RACK1: variants seen among roughly 807,000 people sequenced by gnomAD.
RACK1 encodes the protein receptor for activated C kinase 1.
A neutral mutation model predicts 42.2 loss-of-function variants in RACK1; 3 were observed. The observed-to-expected ratio is 0.07, with a 90% confidence interval of 0.03 to 0.18. The LOEUF is 0.18. Among genes scored for constraint, RACK1 ranks in the 10% least tolerant of loss-of-function variants. RACK1 has a pLI of 1.00. For synonymous variants in RACK1, 181 were observed against 154.8 expected (o/e 1.17, Z -1.25); for missense variants, 146 against 403.2 (o/e 0.36, Z 5.46).
rs57063983 is a variant in RACK1 at position 181,241,426 on chromosome 5, C to CAAAAAAAAAAA, written c.429+55_429+65dup. On this transcript the variant is annotated intron_variant, in intron 3 of 7. Transcript: ENST00000512805. Reference sequence around the variant, plus strand: ...GCTTGGGCAAGAGTGAGACTGTCGCCAAAAAAAAAAAAAAAAAGCAAAGTT... The same window carrying CAAAAAAAAAAA: ...GCTTGGGCAAGAGTGAGACTGTCGCCAAAAAAAAAAAAAAAAAAAAAAAAAAAAGCAAAGTT... The CAAAAAAAAAAA allele has an allele frequency of 2.0e-3, 2,184 of 1,073,654 alleles. 77 individuals are homozygous for CAAAAAAAAAAA. The African/African-American group carries it at 0.04, about 20-fold the overall frequency. The allele number at this position is 1,073,654 out of a possible 1,614,324, so 66.5% of individuals were successfully genotyped here.
Position 181,239,079 on chromosome 5 carries a change from A to C in RACK1, c.624T>G (p.Ala208=). The change falls in exon 5 of 8, where the codon GCT becomes GCG. Residue 208 remains alanine, a synonymous_variant. Transcript: ENST00000512805. ...VTVSPDGSLC[A]SGGKDGQAML... is the part of the protein sequence containing the mutation. ...TGTCCCCAAATACCTTGCCTCCAGA[A>C]GCACAGAGGGATCCATCTGGAGAGA... 1 of 1,609,890 alleles carries C rather than the reference A, an allele frequency of 6.2e-7. No individual in the cohort carries two copies.
chr5:181,238,729 G>A, intron 5 of RACK1: 2 of 370,130 alleles, frequency 5.4e-6, no homozygotes, highest in South Asian at 2.1e-5. Flanking sequence ...TTGAACCCGG[G>A]AGATGGTTGC....
At chr5:181,241,426 C>CAAA (rs57063983) in intron 3 of RACK1, 66 bp downstream of exon 3, 1,011 of 1,072,708 alleles carry the variant, frequency 9.4e-4, no homozygotes, top group South Asian at 1.4e-3. Flanking sequence ...AGACTGTCGC[C>CAAA]AAAAAAAAAA....
At chr5:181,238,994 T>G (rs753872303) in intron 5 of RACK1, 73 bp downstream of exon 5, 14 of 948,266 alleles carry the variant, frequency 1.5e-5, no homozygotes, top group Non-Finnish European at 2.3e-5. Context: ...CATTTTACGT[T>G]AGAGACGCTG....
In RACK1 at chr5:181,239,511, G is replaced by A. The variant is rs774277440; in HGVS notation, c.501C>T (p.Ser167=). ...SPNSSNPIIV[S]CGWDKLVKVW... is the part of the protein sequence containing the mutation. Reference sequence around the variant, plus strand: ...CCTTGACCAGCTTGTCCCAGCCACAGGAGACGATGATAGGGTTGCTGCTGT... The same window carrying A: ...CCTTGACCAGCTTGTCCCAGCCACAAGAGACGATGATAGGGTTGCTGCTGT... The change falls in exon 4 of 8, where the codon TCC becomes TCT. Residue 167 remains serine, a synonymous_variant. Transcript: ENST00000512805. 4.1e-5 allele frequency: 66 copies of A among 1,613,770 alleles called. No homozygotes were observed. Among genetic ancestry groups the A allele is most frequent in the Non-Finnish European group, 5.4e-5 (64 of 1,179,804 alleles).
At chr5:181,239,353 A>G in intron 4 of RACK1, 134 bp downstream of exon 4, 1 of 782,658 alleles carries the variant, frequency 1.3e-6, no homozygotes, top group Non-Finnish European at 2.3e-6. Flanking sequence ...CTGACTTACA[A>G]GGGACATCAG....
intron 1 of RACK1, 35 bp from the exon 2 acceptor site, chr5:181,242,380 G>A: frequency 1.4e-6 from 2 of 1,476,078 alleles, no homozygotes; most frequent in Non-Finnish European, 9.4e-7. Context: ...AATCAGTGAG[G>A]AACCCGCAGC....
chr5:181,241,431 A>AAAAAAAAAAAAC (rs1759341994), intron 3 of RACK1, 61 bp downstream of exon 3: 1 of 1,378,190 alleles, frequency 7.3e-7, no homozygotes, highest in African/African-American at 1.5e-5. Flanking sequence ...GTCGCCAAAA[A>AAAAAAAAAAAAC]AAAAAAAAAA....
rs562641440 is a variant in RACK1, at chr5:181,237,885, T to C, written c.778-166A>G. On this transcript the variant is annotated intron_variant, in intron 6 of 7. Transcript: ENST00000512805. ...TGCCACTAGTGGAAGGATGGTTTGC[T>C]ACTGACATCTAGTAGAAGCTGGAAA... The C allele has an allele frequency of 2.0e-5, 13 of 659,278 alleles. No individual in the cohort carries two copies. In the South Asian group the frequency reaches 2.3e-4, roughly 12 times the overall value. 40.8% of individuals were successfully genotyped at this position (659,278 alleles called of 1,614,324 possible). A position where few individuals can be genotyped will look rare whatever the true frequency, so the allele number is the denominator to read the frequency against.
Position 181,236,948 on chromosome 5 carries a change from T to TTTTA in RACK1, c.*25_*28dup. The TTTTA allele has an allele frequency of 4.5e-6, 7 of 1,567,308 alleles. No homozygotes were observed. Among genetic ancestry groups the TTTTA allele is most frequent in the Non-Finnish European group, 5.2e-6 (6 of 1,162,844 alleles). On this transcript the variant is annotated 3_prime_UTR_variant, in exon 8 of 8. Transcript: ENST00000512805. ...TAAAAGTCAGAAAAGCCAGTTTTTT[T>TTTTA]TTTATTTGTAAAGCTCTGCCATAAA...
intron 7 of RACK1, chr5:181,237,275 C>A: frequency 1.3e-6 from 1 of 797,100 alleles, no homozygotes; most frequent in South Asian, 1.5e-5. Flanking sequence ...TGTAAGAAAC[C>A]GCTCTCATTT....
Position 181,238,360 on chromosome 5 carries a change from A to T in RACK1, c.637-121T>A, listed in dbSNP as rs1458775230. The T allele has an allele frequency of 3.0e-6, 3 of 983,904 alleles. No individual in the cohort carries two copies. The African/African-American group carries it at 4.8e-5, about 16-fold the overall frequency. The allele number at this position is 983,904 out of a possible 1,614,324, so 60.9% of individuals were successfully genotyped here. On this transcript the variant is annotated intron_variant, in intron 5 of 7. Transcript: ENST00000512805. ...CTCCATTACCCCAGGCTTCTTTGAAAGCTAATGACTCAAGTACCAATATTT... is the reference window on the plus strand; with the variant it reads ...CTCCATTACCCCAGGCTTCTTTGAATGCTAATGACTCAAGTACCAATATTT...
chr5:181,237,277 C>T, intron 7 of RACK1: 1 of 789,270 alleles, frequency 1.3e-6, no homozygotes, highest in Non-Finnish European at 2.2e-6. Flanking sequence ...TAAGAAACCG[C>T]TCTCATTTCA....
intron 7 of RACK1, 25 bp from the exon 8 acceptor site, chr5:181,237,067 A>G (rs772027951): frequency 1.6e-5 from 26 of 1,611,724 alleles, no homozygotes; most frequent in African/African-American, 2.7e-5. Context: ...TGACAGTGAC[A>G]GGTCAGGCTG....
intron 7 of RACK1, 162 bp from the exon 8 acceptor site, chr5:181,237,204 C>T (rs1372081210): frequency 6.6e-6 from 9 of 1,369,162 alleles, no homozygotes; most frequent in Admixed American, 2.0e-5. Flanking sequence ...TAAGCCCCTG[C>T]AGTTCAAGAG....
intron 5 of RACK1, chr5:181,238,532 C>T (rs905988038): frequency 4.3e-5 from 16 of 370,564 alleles, no homozygotes; most frequent in East Asian, 6.5e-5. Flanking sequence ...AGGCTGGGTG[C>T]GGTGGCTCAT....
chr5:181,243,380 G>T, intron 1 of RACK1: 1 of 1,412,020 alleles, frequency 7.1e-7, no homozygotes, highest in Non-Finnish European at 9.4e-7. Flanking sequence ...TCACCGCCCC[G>T]CCCGGCCCGT....
rs757035539 is a variant in RACK1, at chr5:181,236,936, A to G, written c.*41T>C. ...GAAAAAAAAACCTAAAAGTCAGAAA[A>G]GCCAGTTTTTTTTTTATTTGTAAAG... On this transcript the variant is annotated 3_prime_UTR_variant, in exon 8 of 8. Transcript: ENST00000512805. The G allele has an allele frequency of 1.9e-6, 3 of 1,555,636 alleles. No homozygotes were observed. The East Asian group carries it at 6.8e-5, about 35-fold the overall frequency.
chr5:181,238,438 C>A (rs2770998), intron 5 of RACK1, 199 bp from the exon 6 acceptor site: 61,313 of 553,060 alleles, frequency 0.11, 6,372 homozygotes, highest in African/African-American at 0.36. Flanking sequence ...CATCAAAAAA[C>A]CCCTCCCAAC....
Sources: allele counts gnomAD v4.1 joint callset, GRCh38; gene constraint gnomAD v4.1.1; transcripts MANE v1.5; gene names NCBI Gene and HGNC (gene_info 2026-07-23, HGNC 2026-07-21).